STK4: variants seen among roughly 807,000 people sequenced by gnomAD.
STK4 encodes the protein serine/threonine-protein kinase 4.
Under a neutral mutation model 64.9 loss-of-function variants are expected in STK4, and 30 were observed. The observed-to-expected ratio is 0.46, with a 90% CI of 0.35 to 0.63. The LOEUF is 0.63. STK4 is among the 20% of genes least tolerant of loss of function. The pLI is 0.01. For synonymous variants in STK4, 177 were observed against 199.0 expected (o/e 0.89, Z 0.93); for missense variants, 466 against 598.5 (o/e 0.78, Z 2.31).
intron 6 of STK4, 64 bp from the exon 7 acceptor site, chr20:44,997,104 AT>A: frequency 6.2e-7 from 1 of 1,601,268 alleles, no homozygotes; most frequent in African/African-American, 1.3e-5. Context: ...TTCCACATGT[AT>A]TTTTTATTGG....
intron 4 of STK4, among the ~76,000 whole-genome samples, chr20:44,986,767 G>A (rs6073587): frequency 0.25 from 38,496 of 152,088 alleles, 5,642 homozygotes; most frequent in Middle Eastern, 0.43. Flanking sequence ...TTTGACCAGA[G>A]CAACTGAAAG....
chr20:44,973,657 A>G (rs2067290263), intron 2 of STK4, among the ~76,000 whole-genome samples: 1 of 152,234 alleles, frequency 6.6e-6, no homozygotes, highest in African/African-American at 2.4e-5. Context: ...TGTGAGGCTG[A>G]CCTGGGTTAA....
intron 10 of STK4, among the ~76,000 whole-genome samples, chr20:45,066,690 C>T (rs374200595): frequency 2.6e-5 from 4 of 152,296 alleles, no homozygotes; most frequent in African/African-American, 7.2e-5. Context: ...TAATTATAAA[C>T]CTAAAATGGG....
rs749788988 is a variant in STK4 at position 45,011,708 on chromosome 20, C to CATATATATATATATAT, written c.1147+10362_1147+10377dup. Among the ~76,000 whole-genome samples, 80 of 86,856 alleles carry CATATATATATATATAT rather than the reference C, an allele frequency of 9.2e-4. 1 individual carries two copies. Among genetic ancestry groups the CATATATATATATATAT allele is most frequent in the African/African-American group, 3.7e-3 (74 of 19,780 alleles). The allele number at this position is 86,856 out of a possible 152,430, so 57.0% of individuals were successfully genotyped here. ...TTTGAAAGTTCTTGTGTAGAACATACATATATATATATATATATATATTTT... is the reference window on the plus strand; with the variant it reads ...TTTGAAAGTTCTTGTGTAGAACATACATATATATATATATATATATATATATATATATATATATTTT... On this transcript the variant is annotated intron_variant, in intron 9 of 10. Coordinates refer to ENST00000372806, the MANE Select transcript of STK4 (RefSeq NM_006282.5).
At chr20:45,043,227 A>G (rs1386453530) in intron 10 of STK4, among the ~76,000 whole-genome samples, 1 of 152,210 alleles carries the variant, frequency 6.6e-6, no homozygotes, top group Non-Finnish European at 1.5e-5. Flanking sequence ...GTATATATAT[A>G]CCACATGTTC....
intron 10 of STK4, among the ~76,000 whole-genome samples, chr20:45,062,020 C>T (rs1349163506): frequency 2.0e-5 from 3 of 151,958 alleles, no homozygotes; most frequent in African/African-American, 4.8e-5. Context: ...GCTGGGATTA[C>T]AGGCATGTGC....
At chr20:45,045,948 A>T (rs953206562) in intron 10 of STK4, among the ~76,000 whole-genome samples, 1 of 143,810 alleles carries the variant, frequency 7.0e-6, no homozygotes, top group South Asian at 2.1e-4. Context: ...CTGACATTAC[A>T]GGTGCATGCC....
At chr20:45,061,532 G>T (rs76070049) in intron 10 of STK4, among the ~76,000 whole-genome samples, 73 of 152,022 alleles carry the variant, frequency 4.8e-4, no homozygotes, top group African/African-American at 1.7e-3. Context: ...TTATCATAAA[G>T]ACTGTTGTGG....
intron 7 of STK4, among the ~76,000 whole-genome samples, chr20:44,997,703 CAAAGT>C (rs753822997): frequency 5.9e-5 from 9 of 152,098 alleles, no homozygotes; most frequent in Non-Finnish European, 1.2e-4. Context: ...TCTCGAAAAA[CAAAGT>C]AAAAGAAGTT....
intron 9 of STK4, among the ~76,000 whole-genome samples, chr20:45,015,898 G>C (rs774883711): frequency 2.0e-5 from 3 of 152,098 alleles, no homozygotes; most frequent in Non-Finnish European, 4.4e-5. Flanking sequence ...GTATGAGAGT[G>C]TTTTTTTCAT....
chr20:45,057,027 G>GT (rs1232670741), intron 10 of STK4, among the ~76,000 whole-genome samples: 1 of 152,200 alleles, frequency 6.6e-6, no homozygotes, highest in African/African-American at 2.4e-5. Context: ...CATCCGGTGG[G>GT]TAGCAGGGTG....
At chr20:45,013,011 C>A (rs1216133035) in intron 9 of STK4, among the ~76,000 whole-genome samples, 3 of 128,902 alleles carry the variant, frequency 2.3e-5, no homozygotes, top group African/African-American at 8.7e-5. Flanking sequence ...GTTGCCCAGG[C>A]TGGTCTGGAA....
At chr20:45,015,884 T>C (rs935186403) in intron 9 of STK4, among the ~76,000 whole-genome samples, 1 of 152,230 alleles carries the variant, frequency 6.6e-6, no homozygotes, top group Non-Finnish European at 1.5e-5. Context: ...GTAAGTCTTT[T>C]AATGTATGAG....
chr20:45,004,349 G>A (rs1336257981), intron 9 of STK4: 1 of 152,028 alleles, frequency 6.6e-6, no homozygotes, highest in Non-Finnish European at 1.5e-5. Context: ...CCCCATCTTG[G>A]CCTCCCCGAG....
In STK4 at chr20:45,000,506, G is replaced by C. The variant is rs374601797; in HGVS notation, c.946G>C (p.Asp316His). The change falls in exon 8 of 11, where the codon GAT becomes CAT. Residue 316 changes from aspartate (D) to histidine (H), a missense_variant. Asp to His is a moderately conservative substitution (Grantham distance 81). Transcript: ENST00000372806. ...ESQQREVDQD[D>H]EENSEEDEMD... is the part of the protein sequence containing the mutation. ...CCAGCAGCGGGAAGTGGACCAGGAC[G>C]ATGAAGAAAACTCAGTGAGTGGCAG... is the stretch of plus-strand genomic sequence containing the variant. 2 of 1,613,878 alleles carry C rather than the reference G, an allele frequency of 1.2e-6. No homozygotes were observed. Among genetic ancestry groups the C allele is most frequent in the Admixed American group, 3.3e-5 (2 of 59,992 alleles).
intron 10 of STK4, among the ~76,000 whole-genome samples, chr20:45,072,312 T>C (rs1358333696): frequency 6.6e-6 from 1 of 152,182 alleles, no homozygotes; most frequent in Non-Finnish European, 1.5e-5. Context: ...CAGAATAAGT[T>C]GCAAAGTCAG....
intron 10 of STK4, among the ~76,000 whole-genome samples, chr20:45,028,247 T>C (rs1159045838): frequency 6.6e-6 from 1 of 152,180 alleles, no homozygotes; most frequent in East Asian, 1.9e-4. Flanking sequence ...ACATTCCCCT[T>C]TCTCTACATC....
At position 44,981,933 on chromosome 20, in the gene STK4, G is replaced by A. The variant is rs202040819; in HGVS notation, c.350G>A (p.Arg117Gln). The change falls in exon 4 of 11, where the codon CGA becomes CAA. Residue 117 changes from arginine (R) to glutamine (Q), a missense_variant. Arg to Gln is a conservative substitution (Grantham distance 43). Coordinates refer to ENST00000372806, the MANE Select transcript of STK4 (RefSeq NM_006282.5). The part of the protein sequence containing the change: ...AGSVSDIIRL[R>Q]NKTLTEDEIA... ...TCTGTATCTGATATCATTCGATTAC[G>A]AAATAAAACGGTAGGTTTACCTTCT... 495 of 1,611,024 alleles carry A rather than the reference G, an allele frequency of 3.1e-4. 2 individuals are homozygous for A. In the East Asian group the frequency reaches 8.6e-3, roughly 28 times the overall value.
chr20:45,073,264 T>G (rs1980234379), intron 10 of STK4, among the ~76,000 whole-genome samples: 1 of 152,142 alleles, frequency 6.6e-6, no homozygotes, highest in Non-Finnish European at 1.5e-5. Flanking sequence ...GATGCATTTT[T>G]TTTTTCAGCC....
Sources: gnomAD v4.1 joint callset for allele counts (sites outside exome capture counted in the v4.1 genomes callset) on GRCh38, gnomAD v4.1.1 for gene constraint, MANE v1.5 for transcripts, NCBI Gene and HGNC (gene_info 2026-07-23, HGNC 2026-07-21) for gene names.